Variants in BEND5 observed in about 807,000 individuals in gnomAD.
BEND5 encodes BEN domain containing 5.
A neutral mutation model predicts 43.9 loss-of-function variants in BEND5; 22 were observed. That is an observed-to-expected ratio of 0.50 (90% CI 0.36 to 0.72). The LOEUF (loss-of-function observed/expected upper bound fraction) is 0.72. Among genes scored for constraint, BEND5 ranks in the 30% least tolerant of loss-of-function variants. The probability of loss-of-function intolerance (pLI) is 0.00; values close to 1 mark genes in which losing one functional copy is unlikely to be tolerated. For synonymous variants in BEND5, 228 were observed against 225.9 expected, an observed-to-expected ratio of 1.01 and a Z score of -0.08; for missense variants, 428 against 550.6, an observed-to-expected ratio of 0.78 and a Z score of 2.23.
At chr1:48,741,113 G>A (rs1488511147) in intron 4 of BEND5, among the ~76,000 whole-genome samples, 1 of 152,156 alleles carries the variant, frequency 6.6e-6, no homozygotes, top group Non-Finnish European at 1.5e-5. Flanking sequence ...TTCAAGGCAA[G>A]GGAGAAATAG....
intron 3 of BEND5, among the ~76,000 whole-genome samples, chr1:48,745,102 C>T (rs1650533575): frequency 6.6e-6 from 1 of 152,206 alleles, no homozygotes; most frequent in African/African-American, 2.4e-5. Flanking sequence ...CAAAGTTTTA[C>T]TCCCTTTAGC....
At chr1:48,755,988 GGC>G (rs1643903727) in intron 3 of BEND5, among the ~76,000 whole-genome samples, 1 of 152,182 alleles carries the variant, frequency 6.6e-6, no homozygotes, top group Admixed American at 6.5e-5. Flanking sequence ...GCCAACTACT[GGC>G]TGGGGGTGCC....
chr1:48,756,905 G>A (rs933557353), intron 3 of BEND5, among the ~76,000 whole-genome samples: 1 of 152,196 alleles, frequency 6.6e-6, no homozygotes, highest in Admixed American at 6.5e-5. Context: ...TCAGGGAAGA[G>A]CTAGCCACTG....
intron 1 of BEND5, among the ~76,000 whole-genome samples, chr1:48,774,103 A>G (rs1380686324): frequency 6.6e-6 from 1 of 152,232 alleles, no homozygotes; most frequent in Non-Finnish European, 1.5e-5. Context: ...AAAAGCCAGA[A>G]AGCTGTGCTG....
intron 1 of BEND5, among the ~76,000 whole-genome samples, chr1:48,765,911 A>G (rs797022699): frequency 6.6e-6 from 1 of 152,306 alleles, no homozygotes; most frequent in African/African-American, 2.4e-5. Context: ...AGCAGGGGGA[A>G]AAGGGCAATA....
At chr1:48,764,198 C>T (rs943041437) in intron 1 of BEND5, among the ~76,000 whole-genome samples, 2 of 152,146 alleles carry the variant, frequency 1.3e-5, no homozygotes, top group Non-Finnish European at 1.5e-5. Flanking sequence ...GTCAGTGTAA[C>T]CCTGGAAGGC....
chr1:48,768,869 A>C (rs1644664202), intron 1 of BEND5, among the ~76,000 whole-genome samples: 1 of 152,222 alleles, frequency 6.6e-6, no homozygotes, highest in Non-Finnish European at 1.5e-5. Context: ...AAATACAAAC[A>C]CAGTGCATTC....
intron 3 of BEND5, among the ~76,000 whole-genome samples, chr1:48,755,009 TG>T (rs1169844136): frequency 6.6e-6 from 1 of 152,198 alleles, no homozygotes; most frequent in Non-Finnish European, 1.5e-5. Flanking sequence ...CATGCCTCCA[TG>T]TTGGAATACT....
intron 3 of BEND5, among the ~76,000 whole-genome samples, chr1:48,749,714 C>G (rs533772483): frequency 6.6e-6 from 1 of 152,334 alleles, no homozygotes; most frequent in South Asian, 2.1e-4. Flanking sequence ...CCTCTAGAAG[C>G]TCTGAACTTA....
intron 1 of BEND5, among the ~76,000 whole-genome samples, chr1:48,768,962 A>C (rs1226469656): frequency 6.6e-6 from 1 of 152,070 alleles, no homozygotes; most frequent in African/African-American, 2.4e-5. Context: ...CCAAGACTAC[A>C]AAAAAAAGAG....
At chr1:48,751,012 T>C (rs1570500031) in intron 3 of BEND5, among the ~76,000 whole-genome samples, 1 of 152,164 alleles carries the variant, frequency 6.6e-6, no homozygotes, top group South Asian at 2.1e-4. Flanking sequence ...AACACAAACC[T>C]TCCACTGCTT....
chr1:48,755,518 G>A (rs1224100248), intron 3 of BEND5, among the ~76,000 whole-genome samples: 1 of 152,190 alleles, frequency 6.6e-6, no homozygotes, highest in Non-Finnish European at 1.5e-5. Context: ...TGAGGCCCAG[G>A]GGGCAGAGAA....
At chr1:48,764,152 T>C (rs1049349755) in intron 1 of BEND5, among the ~76,000 whole-genome samples, 1 of 152,178 alleles carries the variant, frequency 6.6e-6, no homozygotes, top group African/African-American at 2.4e-5. Flanking sequence ...GAGAAGTAAC[T>C]GCTAAAGGAT....
chr1:48,754,561 G>T (rs552998817), intron 3 of BEND5, among the ~76,000 whole-genome samples: 1 of 152,290 alleles, frequency 6.6e-6, no homozygotes, highest in Non-Finnish European at 1.5e-5. Context: ...ATTTGGGGGA[G>T]GAGGGGCAGG....
At chr1:48,755,025 G>A (rs1652330299) in intron 3 of BEND5, among the ~76,000 whole-genome samples, 1 of 152,156 alleles carries the variant, frequency 6.6e-6, no homozygotes, top group Admixed American at 6.5e-5. Context: ...AATACTTCCT[G>A]TTAAATCCAT....
intron 3 of BEND5, among the ~76,000 whole-genome samples, chr1:48,746,673 C>T (rs1393100394): frequency 2.0e-5 from 3 of 152,204 alleles, no homozygotes; most frequent in African/African-American, 7.2e-5. Flanking sequence ...AGGGAATGTT[C>T]AGGAGACCTG....
At chr1:48,773,226 C>T (rs574814026) in intron 1 of BEND5, among the ~76,000 whole-genome samples, 3 of 151,964 alleles carry the variant, frequency 2.0e-5, no homozygotes, top group East Asian at 1.9e-4. Flanking sequence ...GCTCTAGGCA[C>T]AGAGAAACCA....
intron 5 of BEND5, among the ~76,000 whole-genome samples, chr1:48,735,311 C>A (rs780450483): frequency 4.6e-5 from 7 of 152,162 alleles, no homozygotes; most frequent in Admixed American, 6.5e-5. Context: ...GAACTCCTTG[C>A]AGATGAAGGC....
At chr1:48,733,838 T>C (rs1272118154) in intron 5 of BEND5, among the ~76,000 whole-genome samples, 1 of 152,230 alleles carries the variant, frequency 6.6e-6, no homozygotes, top group East Asian at 1.9e-4. Context: ...CTTCGTTTAC[T>C]GAGTGCCTAC....
Sources: gnomAD v4.1 joint callset for allele counts (sites outside exome capture counted in the v4.1 genomes callset) on GRCh38, gnomAD v4.1.1 for gene constraint, MANE v1.5 for transcripts, NCBI Gene and HGNC (gene_info 2026-07-23, HGNC 2026-07-21) for gene names.